Variants in MEIS2 observed in about 807,000 individuals in gnomAD.
MEIS2 encodes Meis homeobox 2.
MEIS2 carries 9 observed loss-of-function variants against 58.6 expected under a neutral mutation model. The observed-to-expected ratio is 0.15, with a 90% confidence interval of 0.09 to 0.27. MEIS2 has a LOEUF of 0.27. Among genes scored for constraint, MEIS2 ranks in the 10% least tolerant of loss-of-function variants. The pLI is 1.00. For synonymous variants in MEIS2, 221 were observed against 228.4 expected (o/e 0.97, Z 0.29); for missense variants, 427 against 635.0 (o/e 0.67, Z 3.52).
At chr15:36,925,650 G>A (rs1267987492) in intron 9 of MEIS2, among the ~76,000 whole-genome samples, 1 of 152,172 alleles carries the variant, frequency 6.6e-6, no homozygotes, top group Non-Finnish European at 1.5e-5. Flanking sequence ...TGTTTTAACT[G>A]CATATTTCCA....
At chr15:36,975,697 G>A (rs1423242705) in intron 8 of MEIS2, among the ~76,000 whole-genome samples, 1 of 152,074 alleles carries the variant, frequency 6.6e-6, no homozygotes, top group Non-Finnish European at 1.5e-5. Context: ...CACAATAGAC[G>A]ATGTTCATGT....
At chr15:37,017,234 A>C (rs1184434091) in intron 8 of MEIS2, among the ~76,000 whole-genome samples, 1 of 152,222 alleles carries the variant, frequency 6.6e-6, no homozygotes, top group African/African-American at 2.4e-5. Flanking sequence ...ATGAAAATGC[A>C]GTCAAACCAG....
chr15:37,099,498 T>C lies in MEIS2; in HGVS notation c.-32A>G, dbSNP rs763762125. The C allele has an allele frequency of 1.2e-6, 2 of 1,613,706 alleles. No individual in the cohort carries two copies. The highest frequency in any genetic ancestry group is 2.2e-5 in the East Asian group (1 of 44,856). On this transcript the variant is annotated 5_prime_UTR_variant, in exon 1 of 12. Transcript: ENST00000561208. ...GCGCTCCAATAAACTCCTGGATGTG[T>C]CGTATATTTAATATCCCAGTCCGGA...
rs575071792 is a variant in MEIS2 at position 37,033,111 on chromosome 15, C to G, written c.900+3703G>C. ...TATTGAGACTAAGACTTAACAATTG[C>G]TACAGTTGGCCTTTGTTGAGGTAGG... is the stretch of plus-strand genomic sequence containing the variant. On this transcript the variant is annotated intron_variant, in intron 8 of 11. Transcript: ENST00000561208. 2.6e-5 allele frequency among the ~76,000 whole-genome samples: 4 copies of G among 152,270 alleles called. No individual in the cohort carries two copies. The East Asian group carries it at 7.7e-4, about 29-fold the overall frequency.
At chr15:36,939,064 C>T (rs984676272) in intron 9 of MEIS2, among the ~76,000 whole-genome samples, 2 of 152,184 alleles carry the variant, frequency 1.3e-5, no homozygotes, top group African/African-American at 2.4e-5. Flanking sequence ...CTCAATTTCC[C>T]TACTTCCATG....
chr15:36,914,129 G>C (rs566381520), intron 9 of MEIS2, among the ~76,000 whole-genome samples: 5 of 152,142 alleles, frequency 3.3e-5, no homozygotes, highest in Non-Finnish European at 5.9e-5. Flanking sequence ...ACACCCCACT[G>C]TTGGTCTCTG....
chr15:36,984,180 G>T (rs964651392), intron 8 of MEIS2, among the ~76,000 whole-genome samples: 3 of 151,786 alleles, frequency 2.0e-5, no homozygotes, highest in Non-Finnish European at 4.4e-5. Context: ...TCCAGTACTA[G>T]GTTGAATAGA....
At chr15:37,020,754 GAA>G (rs199835205) in intron 8 of MEIS2, among the ~76,000 whole-genome samples, 1 of 146,778 alleles carries the variant, frequency 6.8e-6, no homozygotes, top group African/African-American at 2.5e-5. Context: ...TGTTATGGGG[GAA>G]AAAAAAACCC....
chr15:37,099,243 G>C (rs944976732), intron 1 of MEIS2: 4 of 1,437,466 alleles, frequency 2.8e-6, no homozygotes, highest in Non-Finnish European at 3.6e-6. Flanking sequence ...CGCGCGCCCA[G>C]ACACGCACAC....
At chr15:36,958,754 C>T (rs1043691877) in intron 8 of MEIS2, among the ~76,000 whole-genome samples, 3 of 152,110 alleles carry the variant, frequency 2.0e-5, no homozygotes, top group East Asian at 1.9e-4. Flanking sequence ...AGCTGCTTGG[C>T]CATGCATGTT....
At chr15:36,910,127 G>A (rs570927618) in intron 9 of MEIS2, among the ~76,000 whole-genome samples, 10 of 152,176 alleles carry the variant, frequency 6.6e-5, no homozygotes, top group Middle Eastern at 3.4e-3. Flanking sequence ...GATCGCCTGA[G>A]ACCAGGAGGT....
chr15:36,933,186 G>C (rs1022243052), intron 9 of MEIS2, among the ~76,000 whole-genome samples: 2 of 152,136 alleles, frequency 1.3e-5, no homozygotes, highest in African/African-American at 4.8e-5. Flanking sequence ...GTGAAAATTA[G>C]GTGGCTAGGC....
At chr15:36,960,443 C>T (rs1016649226) in intron 8 of MEIS2, among the ~76,000 whole-genome samples, 5 of 152,002 alleles carry the variant, frequency 3.3e-5, no homozygotes, top group East Asian at 3.9e-4. Context: ...GGAGAACCTT[C>T]GTAGTGACTG....
intron 8 of MEIS2, among the ~76,000 whole-genome samples, chr15:37,034,713 A>C (rs2062076215): frequency 6.6e-6 from 1 of 152,210 alleles, no homozygotes; most frequent in Admixed American, 6.5e-5. Context: ...GGAGCTTTCA[A>C]AACAAGAAAA....
At chr15:36,991,237 T>C (rs1032804591) in intron 8 of MEIS2, among the ~76,000 whole-genome samples, 1 of 132,424 alleles carries the variant, frequency 7.6e-6, no homozygotes, top group Admixed American at 7.6e-5. Context: ...TTCTGTAAAA[T>C]CAATGAGATT....
chr15:37,099,377 A>T (rs1018525098), intron 1 of MEIS2, 78 bp downstream of exon 1: 11 of 1,591,412 alleles, frequency 6.9e-6, no homozygotes, highest in Non-Finnish European at 8.5e-6. Flanking sequence ...AGAAGCGTTG[A>T]AGGGAGAGGA....
chr15:36,999,093 G>C (rs2060633821), intron 8 of MEIS2, among the ~76,000 whole-genome samples: 1 of 152,160 alleles, frequency 6.6e-6, no homozygotes, highest in African/African-American at 2.4e-5. Context: ...TAACTGGCCT[G>C]AAGACAAAGC....
At chr15:37,065,905 G>C (rs1307534980) in intron 7 of MEIS2, among the ~76,000 whole-genome samples, 2 of 152,182 alleles carry the variant, frequency 1.3e-5, no homozygotes, top group Non-Finnish European at 2.9e-5. Flanking sequence ...TTGATGCAAA[G>C]AGCAAATGCT....
At position 37,094,531 on chromosome 15, in the gene MEIS2, T is replaced by C. The variant is rs1156581518; in HGVS notation, c.485A>G (p.Glu162Gly). 1 of 1,613,148 alleles carries C rather than the reference T, an allele frequency of 6.2e-7. No individual in the cohort carries two copies. Among genetic ancestry groups the C allele is most frequent in the Admixed American group, 1.7e-5 (1 of 59,886 alleles). The change falls in exon 5 of 12, where the codon GAA becomes GGA. Residue 162 changes from glutamate to glycine, a missense_variant. This residue lies in a region of MEIS2 where 138 missense variants were observed against 263.0 expected (regional missense o/e 0.52). Coordinates refer to ENST00000561208, the MANE Select transcript of MEIS2 (RefSeq NM_170675.5). ...GGAGCGTTATTTCCTGCTTACCTTTTCTAACTCCAAAAGATGAAACCTTAG... is the reference window on the plus strand; with the variant it reads ...GGAGCGTTATTTCCTGCTTACCTTTCCTAACTCCAAAAGATGAAACCTTAG... ...QVLRFHLLELEKVHELCDNFC... is the reference protein window; with the variant it reads ...QVLRFHLLELGKVHELCDNFC...
Sources: allele counts gnomAD v4.1 joint callset (sites outside exome capture counted in the v4.1 genomes callset), GRCh38; gene constraint gnomAD v4.1.1; regional missense constraint gnomAD v4.1.1; transcripts MANE v1.5; gene names NCBI Gene and HGNC (gene_info 2026-07-23, HGNC 2026-07-21).